Variants in ADAMTSL1 observed in about 807,000 individuals in gnomAD.
ADAMTSL1 encodes ADAMTS like 1, also known as ADAMTS-like protein 1.
ADAMTSL1 carries 126 observed loss-of-function variants against 201.8 expected under a neutral mutation model. The observed-to-expected ratio is 0.62, with a 90% confidence interval of 0.54 to 0.72. The LOEUF is 0.72. Among genes scored for constraint, ADAMTSL1 ranks in the 30% least tolerant of loss-of-function variants. ADAMTSL1 has a pLI of 0.00. For synonymous variants in ADAMTSL1, 1,121 were observed against 903.4 expected (o/e 1.24, Z -4.32); for missense variants, 2,679 against 2,277.8 (o/e 1.18, Z -3.59).
intron 1 of ADAMTSL1, among the ~76,000 whole-genome samples, chr9:18,045,372 C>G (rs1358630491): frequency 6.6e-6 from 1 of 151,972 alleles, no homozygotes; most frequent in Non-Finnish European, 1.5e-5. Context: ...AGTGGGAGCA[C>G]CAATAATTGT....
intron 1 of ADAMTSL1, among the ~76,000 whole-genome samples, chr9:17,958,781 C>A (rs1828027158): frequency 6.6e-6 from 1 of 152,112 alleles, no homozygotes; most frequent in Non-Finnish European, 1.5e-5. Context: ...CATGTGAGAT[C>A]TTGCCTGATA....
At chr9:17,974,652 A>G (rs965868364) in intron 1 of ADAMTSL1, among the ~76,000 whole-genome samples, 1 of 151,994 alleles carries the variant, frequency 6.6e-6, no homozygotes, top group Non-Finnish European at 1.5e-5. Flanking sequence ...CACTTAGCAT[A>G]GTGTCCTCCA....
At chr9:18,384,251 A>AT (rs1837687764) in intron 2 of ADAMTSL1, among the ~76,000 whole-genome samples, 1 of 152,106 alleles carries the variant, frequency 6.6e-6, no homozygotes, top group African/African-American at 2.4e-5. Context: ...ATGGCAAAAC[A>AT]GGAGAGACAG....
chr9:18,780,770 C>T (rs1467854457), intron 19 of ADAMTSL1, among the ~76,000 whole-genome samples: 2 of 152,132 alleles, frequency 1.3e-5, no homozygotes, highest in African/African-American at 2.4e-5. Context: ...TTTTACTTAA[C>T]AGCATGTCTA....
intron 1 of ADAMTSL1, among the ~76,000 whole-genome samples, chr9:18,145,645 A>G (rs1287083902): frequency 6.6e-6 from 1 of 152,186 alleles, no homozygotes; most frequent in African/African-American, 2.4e-5. Flanking sequence ...ATGCAAACCT[A>G]TGAAATTCCT....
chr9:18,864,435 C>G (rs1588263977), intron 23 of ADAMTSL1, among the ~76,000 whole-genome samples: 1 of 152,184 alleles, frequency 6.6e-6, no homozygotes, highest in East Asian at 1.9e-4. Flanking sequence ...TACAAGGAAG[C>G]CCACAAATTA....
At chr9:18,392,988 T>G (rs1440821395) in intron 2 of ADAMTSL1, among the ~76,000 whole-genome samples, 2 of 152,306 alleles carry the variant, frequency 1.3e-5, no homozygotes, top group Non-Finnish European at 2.9e-5. Context: ...TGATAATTAC[T>G]GAATACCTGT....
At chr9:18,194,425 G>GTC (rs1394722047) in intron 2 of ADAMTSL1, among the ~76,000 whole-genome samples, 7 of 152,036 alleles carry the variant, frequency 4.6e-5, no homozygotes, top group African/African-American at 1.7e-4. Context: ...GGGCACTGCT[G>GTC]TCTCTCTCTG....
At chr9:18,654,187 C>G (rs1212133908) in intron 7 of ADAMTSL1, among the ~76,000 whole-genome samples, 1 of 152,190 alleles carries the variant, frequency 6.6e-6, no homozygotes, top group Non-Finnish European at 1.5e-5. Flanking sequence ...TGAGATCACG[C>G]CACTTCGCTC....
chr9:18,850,562 C>G (rs545306772), intron 23 of ADAMTSL1, among the ~76,000 whole-genome samples: 1 of 152,322 alleles, frequency 6.6e-6, no homozygotes, highest in South Asian at 2.1e-4. Flanking sequence ...TTGTAGGAGA[C>G]AGAGGACAGG....
chr9:18,902,647 A>G (rs1461239922), intron 26 of ADAMTSL1, among the ~76,000 whole-genome samples: 1 of 152,186 alleles, frequency 6.6e-6, no homozygotes, highest in Non-Finnish European at 1.5e-5. Context: ...CTTACATTAA[A>G]AAAGAAAGAC....
At chr9:18,703,540 C>T (rs918295258) in intron 13 of ADAMTSL1, among the ~76,000 whole-genome samples, 14 of 151,346 alleles carry the variant, frequency 9.3e-5, no homozygotes, top group African/African-American at 3.2e-4. Flanking sequence ...GGTGTGAACT[C>T]GATGAAGACC....
intron 23 of ADAMTSL1, among the ~76,000 whole-genome samples, chr9:18,835,518 T>G (rs1256346320): frequency 6.6e-6 from 1 of 152,130 alleles, no homozygotes; most frequent in Non-Finnish European, 1.5e-5. Flanking sequence ...AATTTCAACT[T>G]TTATTTTAGA....
intron 23 of ADAMTSL1, among the ~76,000 whole-genome samples, chr9:18,840,152 G>T (rs1047716808): frequency 1.3e-5 from 2 of 148,992 alleles, no homozygotes; most frequent in Admixed American, 1.3e-4. Context: ...TTTCTTCTAG[G>T]GTTTTTATGG....
At chr9:18,195,375 T>G (rs1829134472) in intron 2 of ADAMTSL1, among the ~76,000 whole-genome samples, 1 of 152,100 alleles carries the variant, frequency 6.6e-6, no homozygotes, top group African/African-American at 2.4e-5. Context: ...TGTTAGGCAC[T>G]TTTATGATTT....
chr9:17,952,343 A>G (rs922096844), intron 1 of ADAMTSL1, among the ~76,000 whole-genome samples: 2 of 151,976 alleles, frequency 1.3e-5, no homozygotes, highest in African/African-American at 2.4e-5. Context: ...TTTCTCTGAA[A>G]GTTTTATTTT....
chr9:17,932,484 A>G (rs562257523), intron 1 of ADAMTSL1, among the ~76,000 whole-genome samples: 276 of 152,254 alleles, frequency 1.8e-3, no homozygotes, highest in African/African-American at 6.5e-3. Flanking sequence ...TTTTATTTCA[A>G]TTAGAAAGTC....
intron 19 of ADAMTSL1, among the ~76,000 whole-genome samples, chr9:18,787,529 G>GT (rs1821777330): frequency 6.6e-6 from 1 of 152,136 alleles, no homozygotes; most frequent in Admixed American, 6.6e-5. Context: ...GTGGTTAACT[G>GT]TTTTAGTATA....
At chr9:18,014,841 A>T (rs1563949705) in intron 1 of ADAMTSL1, among the ~76,000 whole-genome samples, 1 of 152,032 alleles carries the variant, frequency 6.6e-6, no homozygotes, top group Non-Finnish European at 1.5e-5. Flanking sequence ...AGTCATTACC[A>T]GGAGTGTATG....
Sources: gnomAD v4.1 joint callset for allele counts (sites outside exome capture counted in the v4.1 genomes callset) on GRCh38, gnomAD v4.1.1 for gene constraint, MANE v1.5 for transcripts, NCBI Gene and HGNC (gene_info 2026-07-23, HGNC 2026-07-21) for gene names.